The following NCOA3 variants were observed in gnomAD, a reference collection of about 807,000 sequenced individuals.
NCOA3 encodes the protein CBP-interacting protein.
NCOA3 carries 51 observed loss-of-function variants against 158.8 expected under a neutral mutation model. The ratio of observed to expected loss-of-function variants is 0.32; its 90% CI spans 0.26 to 0.41. The LOEUF (loss-of-function observed/expected upper bound fraction) is 0.41, where lower values mean the gene tolerates loss of function less well. Among genes scored for constraint, NCOA3 ranks in the 10% least tolerant of loss-of-function variants. The pLI, the probability that NCOA3 is intolerant of heterozygous loss-of-function variation, is 1.00. For synonymous variants in NCOA3, 537 were observed against 592.4 expected (o/e 0.91, Z 1.36); for missense variants, 1,510 against 1,746.6 (o/e 0.86, Z 2.41).
At chr20:47,511,556 T>TATATATACACACACACATACACATATA (rs1569310943) in intron 1 of NCOA3, among the ~76,000 whole-genome samples, 3 of 30,194 alleles carry the variant, frequency 9.9e-5, no homozygotes, top group Non-Finnish European at 2.1e-4. Flanking sequence ...TATATATATA[T>TATATATACACACACACATACACATATA]TTCTTTTTTT....
intron 1 of NCOA3, among the ~76,000 whole-genome samples, chr20:47,560,449 G>A (rs2146178853): frequency 6.6e-6 from 1 of 152,238 alleles, no homozygotes; most frequent in African/African-American, 2.4e-5. Flanking sequence ...GTTAAGTTAG[G>A]TTTTAGCTTT....
chr20:47,637,884 T>C, intron 13 of NCOA3, 101 bp downstream of exon 13: 1 of 1,097,224 alleles, frequency 9.1e-7, no homozygotes. Context: ...ATAGCATTTA[T>C]AACTTCAGAA....
At chr20:47,549,689 C>G (rs912650865) in intron 1 of NCOA3, among the ~76,000 whole-genome samples, 1 of 151,760 alleles carries the variant, frequency 6.6e-6, no homozygotes, top group African/African-American at 2.4e-5. Flanking sequence ...CCTTTGTTCT[C>G]TTAAATTCTT....
At chr20:47,534,201 T>G (rs2037182653) in intron 1 of NCOA3, among the ~76,000 whole-genome samples, 1 of 151,956 alleles carries the variant, frequency 6.6e-6, no homozygotes, top group Non-Finnish European at 1.5e-5. Flanking sequence ...TTCATTTTCT[T>G]GTCAAACTAC....
At chr20:47,536,690 T>C (rs910417648) in intron 1 of NCOA3, among the ~76,000 whole-genome samples, 1 of 152,198 alleles carries the variant, frequency 6.6e-6, no homozygotes, top group African/African-American at 2.4e-5. Context: ...TGAGTCTCAC[T>C]TTGTTGCCCA....
At chr20:47,649,166 C>G (rs2086740642) in intron 19 of NCOA3, 57 bp downstream of exon 19, 3 of 1,060,606 alleles carry the variant, frequency 2.8e-6, no homozygotes, top group South Asian at 3.1e-5. Flanking sequence ...AGGGCTTGGC[C>G]TGTGGTTGGC....
chr20:47,542,666 T>G (rs866098004), intron 1 of NCOA3, among the ~76,000 whole-genome samples: 1 of 152,004 alleles, frequency 6.6e-6, no homozygotes, highest in African/African-American at 2.4e-5. Context: ...GGCAAGACCC[T>G]CTCTCTAAAA....
intron 15 of NCOA3, 37 bp downstream of exon 15, chr20:47,639,859 A>T: frequency 6.2e-7 from 1 of 1,612,508 alleles, no homozygotes; most frequent in Non-Finnish European, 8.5e-7. Context: ...GAAAAAAGAA[A>T]GTTAGATGTT....
At chr20:47,529,130 T>C (rs2084504842) in intron 1 of NCOA3, among the ~76,000 whole-genome samples, 1 of 151,154 alleles carries the variant, frequency 6.6e-6, no homozygotes, top group South Asian at 2.1e-4. Flanking sequence ...TTAAAAAAAT[T>C]TTTTTTCTTT....
intron 1 of NCOA3, among the ~76,000 whole-genome samples, chr20:47,531,463 A>G (rs1407996559): frequency 3.9e-5 from 6 of 152,264 alleles, no homozygotes; most frequent in Admixed American, 3.9e-4. Flanking sequence ...CAGATGTATT[A>G]CAGATATCTT....
chr20:47,566,994 A>G (rs2085204999), intron 1 of NCOA3, among the ~76,000 whole-genome samples: 1 of 149,058 alleles, frequency 6.7e-6, no homozygotes, highest in Non-Finnish European at 1.5e-5. Flanking sequence ...TAGTACTAAC[A>G]GTTTACATGG....
chr20:47,651,122 A>AGCAGCAG lies in NCOA3; in HGVS notation c.3792_3793insGCAGCAG (p.Gln1265AlafsTer23), dbSNP rs1555818299. The AGCAGCAG allele has an allele frequency of 9.7e-6, 15 of 1,548,154 alleles. No homozygotes were observed. In the African/African-American group the frequency reaches 1.1e-4, roughly 11 times the overall value. On this transcript the variant is annotated frameshift_variant, in exon 20 of 23. Transcript: ENST00000371998. LOFTEE classifies it high-confidence loss of function. The stretch of plus-strand genomic sequence containing the variant: ...AGCAGCAGCAGCAGCAGCAGCAGCA[A>AGCAGCAG]CAGCAACAGCAACAGCAACAGCAGC...
intron 17 of NCOA3, among the ~76,000 whole-genome samples, chr20:47,644,488 C>G (rs921584216): frequency 4.6e-5 from 7 of 151,928 alleles, no homozygotes; most frequent in Non-Finnish European, 1.0e-4. Context: ...TTTTTCTTGT[C>G]TTTGATTTGC....
chr20:47,631,250 A>G (rs1650587445), intron 8 of NCOA3: 1 of 152,252 alleles, frequency 6.6e-6, no homozygotes, highest in Non-Finnish European at 1.5e-5. Context: ...AGCAAGGTTC[A>G]TTTCAAAAAC....
At chr20:47,528,998 C>T (rs1177453502) in intron 1 of NCOA3, among the ~76,000 whole-genome samples, 1 of 152,130 alleles carries the variant, frequency 6.6e-6, no homozygotes, top group East Asian at 1.9e-4. Flanking sequence ...AACTCCCGAC[C>T]TCGGGTGATC....
At chr20:47,565,952 G>A (rs1478522744) in intron 1 of NCOA3, among the ~76,000 whole-genome samples, 2 of 152,180 alleles carry the variant, frequency 1.3e-5, no homozygotes, top group African/African-American at 4.8e-5. Context: ...AATGAAGCAT[G>A]TCATTCCCTC....
chr20:47,615,498 A>G (rs910540016), intron 2 of NCOA3, among the ~76,000 whole-genome samples: 5 of 152,182 alleles, frequency 3.3e-5, no homozygotes, highest in African/African-American at 9.7e-5. Flanking sequence ...CTTAATCCCA[A>G]ATAACCAAAA....
chr20:47,623,742 C>T (rs184792904), intron 3 of NCOA3, among the ~76,000 whole-genome samples, 169 bp from the exon 4 acceptor site: 18 of 151,600 alleles, frequency 1.2e-4, no homozygotes, highest in South Asian at 2.1e-4. Flanking sequence ...GAGCCAAAGT[C>T]GCACCGTTGT....
intron 1 of NCOA3, among the ~76,000 whole-genome samples, chr20:47,555,294 C>T (rs147836809): frequency 2.6e-5 from 4 of 152,274 alleles, no homozygotes; most frequent in South Asian, 2.1e-4. Flanking sequence ...TAATATAAAA[C>T]TCTGTAAGCT....
Sources: gnomAD v4.1 joint callset for allele counts (sites outside exome capture counted in the v4.1 genomes callset) on GRCh38, gnomAD v4.1.1 for gene constraint, MANE v1.5 for transcripts, NCBI Gene and HGNC (gene_info 2026-07-23, HGNC 2026-07-21) for gene names.